PRR16: variants seen among roughly 807,000 people sequenced by gnomAD.
The protein encoded by PRR16 is proline rich 16.
In PRR16, 6 loss-of-function variants were observed where a neutral mutation model predicts 18.2. The ratio of observed to expected loss-of-function variants is 0.33; its 90% CI spans 0.18 to 0.65. The LOEUF (loss-of-function observed/expected upper bound fraction) is 0.65. PRR16 is among the 30% of genes least tolerant of loss of function. The pLI is 0.74. For missense variants in PRR16, 412 were observed against 376.6 expected (o/e 1.09, Z -0.78); for synonymous variants, 151 against 147.8 (o/e 1.02, Z -0.16).
intron 1 of PRR16, among the ~76,000 whole-genome samples, chr5:120,550,767 A>G (rs770181143): frequency 5.9e-5 from 9 of 151,942 alleles, no homozygotes; most frequent in Non-Finnish European, 1.2e-4. Context: ...TTCCTTTCTC[A>G]TTGTTAACAT....
Position 120,581,899 on chromosome 5 carries a change from G to A in PRR16, c.160-104055G>A, listed in dbSNP as rs144832437. Among the ~76,000 whole-genome samples, 1,248 of 152,008 alleles carry A rather than the reference G, an allele frequency of 8.2e-3. 17 individuals are homozygous for A. The highest frequency in any genetic ancestry group is 0.028 in the African/African-American group (1,157 of 41,474). The stretch of plus-strand genomic sequence containing the variant: ...TGAGAGACTGTTTGTTATGATTTCC[G>A]TTCTTTTGCATTTGCTGAATTTTGC... On this transcript the variant is annotated intron_variant, in intron 1 of 1. Transcript: ENST00000407149.
intron 1 of PRR16, among the ~76,000 whole-genome samples, chr5:120,659,142 C>T (rs955953987): frequency 1.3e-5 from 2 of 152,014 alleles, no homozygotes; most frequent in Non-Finnish European, 2.9e-5. Flanking sequence ...ATCAAAAGCA[C>T]TGGCCCCACA....
At chr5:120,617,439 C>T (rs1754549413) in intron 1 of PRR16, among the ~76,000 whole-genome samples, 1 of 151,988 alleles carries the variant, frequency 6.6e-6, no homozygotes, top group Non-Finnish European at 1.5e-5. Context: ...GTTTAAATTC[C>T]ACATAAGGAA....
At chr5:120,721,149 A>G in the PRR16 span, among the ~76,000 whole-genome samples, 1 of 152,086 alleles carries the variant, frequency 6.6e-6, no homozygotes, top group South Asian at 2.1e-4. Context: ...TCATTCATCC[A>G]TTTATTAAAT....
the PRR16 span, among the ~76,000 whole-genome samples, chr5:120,740,732 T>A: frequency 5.9e-5 from 9 of 152,286 alleles, 1 homozygote; most frequent in East Asian, 7.7e-4. Flanking sequence ...CTCAAAAAAG[T>A]TCATAGGAAT....
chr5:120,666,212 T>C (rs200614052), intron 1 of PRR16, among the ~76,000 whole-genome samples: 2 of 134,486 alleles, frequency 1.5e-5, no homozygotes, highest in South Asian at 2.4e-4. Flanking sequence ...TTTATTCTCT[T>C]TGAAGCAATT....
At chr5:120,747,062 G>A in the PRR16 span, among the ~76,000 whole-genome samples, 1 of 152,094 alleles carries the variant, frequency 6.6e-6, no homozygotes, top group Non-Finnish European at 1.5e-5. Context: ...GATTCATTTC[G>A]TTATTCGCTG....
chr5:120,647,182 T>G (rs1313599743), intron 1 of PRR16, among the ~76,000 whole-genome samples: 1 of 151,732 alleles, frequency 6.6e-6, no homozygotes, highest in East Asian at 1.9e-4. Context: ...GGGAGAAGTA[T>G]AGAATGGGAA....
At chr5:120,607,715 CTT>C (rs1754199270) in intron 1 of PRR16, among the ~76,000 whole-genome samples, 1 of 152,038 alleles carries the variant, frequency 6.6e-6, no homozygotes, top group South Asian at 2.1e-4. Flanking sequence ...AAAAAAAAAT[CTT>C]ATCATTAGGG....
At chr5:120,635,886 A>G (rs1755212063) in intron 1 of PRR16, among the ~76,000 whole-genome samples, 1 of 152,148 alleles carries the variant, frequency 6.6e-6, no homozygotes, top group South Asian at 2.1e-4. Context: ...ACTCATCCAA[A>G]AAGCTTCTAG....
the PRR16 span, among the ~76,000 whole-genome samples, chr5:120,781,978 G>A: frequency 7.0e-6 from 1 of 143,436 alleles, no homozygotes; most frequent in Non-Finnish European, 1.5e-5. Context: ...GTGGGTATTT[G>A]TAATTTACTA....
chr5:120,548,886 A>G (rs1752159338), intron 1 of PRR16, among the ~76,000 whole-genome samples: 1 of 151,922 alleles, frequency 6.6e-6, no homozygotes, highest in African/African-American at 2.4e-5. Context: ...ACTGAGTTTA[A>G]ACGCACTGAT....
the PRR16 span, among the ~76,000 whole-genome samples, chr5:120,794,232 A>T: frequency 2.6e-5 from 4 of 152,140 alleles, no homozygotes; most frequent in Admixed American, 6.6e-5. Context: ...ATAAACTATA[A>T]GAAAAAGAGG....
chr5:120,584,197 G>C (rs1256808526), intron 1 of PRR16, among the ~76,000 whole-genome samples: 2 of 152,176 alleles, frequency 1.3e-5, no homozygotes, highest in Non-Finnish European at 2.9e-5. Context: ...GGCTTACATG[G>C]TAAGTAGTAT....
chr5:120,513,940 A>C (rs977593599), intron 1 of PRR16, among the ~76,000 whole-genome samples: 3 of 151,786 alleles, frequency 2.0e-5, no homozygotes, highest in African/African-American at 7.3e-5. Context: ...TTGTATTTTT[A>C]GTAGAGACGG....
At chr5:120,774,412 C>A in the PRR16 span, among the ~76,000 whole-genome samples, 1 of 151,976 alleles carries the variant, frequency 6.6e-6, no homozygotes, top group Admixed American at 6.6e-5. Flanking sequence ...AACTTGATTT[C>A]TTATGTTGGA....
chr5:120,736,440 T>A, the PRR16 span, among the ~76,000 whole-genome samples: 3 of 151,834 alleles, frequency 2.0e-5, no homozygotes, highest in African/African-American at 7.3e-5. Flanking sequence ...AATTTTTGTA[T>A]TTTTAGTACA....
At chr5:120,572,012 G>A (rs1268410435) in intron 1 of PRR16, among the ~76,000 whole-genome samples, 1 of 152,122 alleles carries the variant, frequency 6.6e-6, no homozygotes, top group African/African-American at 2.4e-5. Context: ...TATCCAAACT[G>A]TTTGCATGAC....
chr5:120,489,248 G>A (rs549412683), intron 1 of PRR16, among the ~76,000 whole-genome samples: 4 of 152,232 alleles, frequency 2.6e-5, no homozygotes, highest in East Asian at 1.9e-4. Context: ...TGTTGACAGT[G>A]GGGTGTTAAA....
Sources: gnomAD v4.1 joint callset for allele counts (sites outside exome capture counted in the v4.1 genomes callset) on GRCh38, gnomAD v4.1.1 for gene constraint, MANE v1.5 for transcripts, NCBI Gene and HGNC (gene_info 2026-07-23, HGNC 2026-07-21) for gene names.